The following SENP7 variants were observed in gnomAD, a reference collection of about 807,000 sequenced individuals.
The protein encoded by SENP7 is sentrin-specific protease 7.
Under a neutral mutation model 141.2 loss-of-function variants are expected in SENP7, and 64 were observed. That is an observed-to-expected ratio of 0.45 (90% CI 0.37 to 0.56). The LOEUF is 0.56. Among genes scored for constraint, SENP7 ranks in the 20% least tolerant of loss-of-function variants. SENP7 has a pLI of 0.00. For synonymous variants in SENP7, 382 were observed against 426.4 expected (o/e 0.90, Z 1.28); for missense variants, 1,025 against 1,212.2 (o/e 0.85, Z 2.29).
chr3:101,445,177 T>A (rs2062841958), intron 4 of SENP7, among the ~76,000 whole-genome samples: 1 of 152,144 alleles, frequency 6.6e-6, no homozygotes, highest in South Asian at 2.1e-4. Flanking sequence ...GAGAATGGGA[T>A]GATATCTTCA....
Position 101,417,727 on chromosome 3 carries a change from G to A in SENP7, c.348C>T (p.Thr116=). The A allele has an allele frequency of 6.2e-7, 1 of 1,613,874 alleles. No individual in the cohort carries two copies. Among genetic ancestry groups the A allele is most frequent in the Non-Finnish European group, 8.5e-7 (1 of 1,179,838 alleles). ...WTDLGRKFRK[T]LPRNDANLCD... is the part of the protein sequence containing the mutation. ...ATAAATTAGCATCGTTTCTAGGTAG[G>A]GTCTTTCTGAATTTTCGTCCTAAAT... The change falls in exon 5 of 24, where the codon ACC becomes ACT. Residue 116 remains threonine, a synonymous_variant. Coordinates refer to ENST00000394095, the MANE Select transcript of SENP7 (RefSeq NM_020654.5).
intron 17 of SENP7, among the ~76,000 whole-genome samples, chr3:101,334,970 T>C (rs1020827603): frequency 1.3e-5 from 2 of 152,212 alleles, no homozygotes; most frequent in African/African-American, 2.4e-5. Context: ...TTTGAGTTCC[T>C]AATATGTTCC....
intron 10 of SENP7, among the ~76,000 whole-genome samples, chr3:101,362,132 T>A (rs1396955879): frequency 6.6e-6 from 1 of 152,212 alleles, no homozygotes; most frequent in African/African-American, 2.4e-5. Flanking sequence ...ATCAAAGCCA[T>A]GGTTTCACAT....
At chr3:101,341,802 A>G in intron 14 of SENP7, 23 bp from the exon 15 acceptor site, 4 of 1,560,708 alleles carry the variant, frequency 2.6e-6, no homozygotes, top group African/African-American at 1.3e-5. Context: ...GGCAAGAAAA[A>G]GGGTCTCAAA....
intron 20 of SENP7, among the ~76,000 whole-genome samples, chr3:101,329,768 T>C (rs1443093769): frequency 8.4e-6 from 1 of 119,160 alleles, no homozygotes; most frequent in Non-Finnish European, 1.7e-5. Flanking sequence ...CAAAACCCCA[T>C]CTCTACTAAA....
Position 101,470,658 on chromosome 3 carries a change from G to A in SENP7, c.187-11606C>T, listed in dbSNP as rs140216216. The stretch of plus-strand genomic sequence containing the variant: ...ATTGGAAGTTCTGGCCAGGGCAATC[G>A]GGCAAGAGAAAGAAATAAAGAGTAT... On this transcript the variant is annotated intron_variant, in intron 3 of 23. Coordinates refer to ENST00000394095, the MANE Select transcript of SENP7 (RefSeq NM_020654.5). Among the ~76,000 whole-genome samples, 59 of 152,076 alleles carry A rather than the reference G, an allele frequency of 3.9e-4. 1 individual carries two copies. The highest frequency in any genetic ancestry group is 1.2e-3 in the African/African-American group (51 of 41,478).
At chr3:101,361,578 C>T in intron 11 of SENP7, 137 bp downstream of exon 11, 1 of 933,606 alleles carries the variant, frequency 1.1e-6, no homozygotes, top group Non-Finnish European at 1.4e-6. Flanking sequence ...GGTATAATGA[C>T]TTTCAACATA....
chr3:101,328,782 T>C (rs1167495001), intron 20 of SENP7, 93 bp from the exon 21 acceptor site: 1 of 974,628 alleles, frequency 1.0e-6, no homozygotes, highest in African/African-American at 1.7e-5. Context: ...AACTTTGAAG[T>C]TAAAATTTCA....
At chr3:101,399,435 T>A (rs1241228471) in intron 5 of SENP7, among the ~76,000 whole-genome samples, 1 of 152,234 alleles carries the variant, frequency 6.6e-6, no homozygotes, top group African/African-American at 2.4e-5. Context: ...TCTTCTCATT[T>A]AACAGAAATG....
intron 5 of SENP7, among the ~76,000 whole-genome samples, chr3:101,410,845 A>AAAAATAAAATTAAAAT (rs2061436239): frequency 7.9e-6 from 1 of 126,176 alleles, no homozygotes; most frequent in South Asian, 2.6e-4. Flanking sequence ...ATTCTGTCTC[A>AAAAATAAAATTAAAAT]AAAATAAAAT....
chr3:101,395,117 T>C (rs567106812), intron 6 of SENP7, among the ~76,000 whole-genome samples: 109 of 152,324 alleles, frequency 7.2e-4, no homozygotes, highest in African/African-American at 2.3e-3. Flanking sequence ...ACTCTGTTGA[T>C]GGGTTGGCTC....
At chr3:101,472,379 T>C (rs2064036103) in intron 3 of SENP7, among the ~76,000 whole-genome samples, 1 of 152,180 alleles carries the variant, frequency 6.6e-6, no homozygotes, top group African/African-American at 2.4e-5. Context: ...GAAACCATCA[T>C]TCTCAGCAAA....
At chr3:101,405,738 T>C (rs1267079808) in intron 5 of SENP7, among the ~76,000 whole-genome samples, 1 of 151,994 alleles carries the variant, frequency 6.6e-6, no homozygotes, top group Non-Finnish European at 1.5e-5. Context: ...TAAAAAACAA[T>C]CAAAACTTCA....
At chr3:101,485,528 CT>C (rs1366329093) in intron 3 of SENP7, among the ~76,000 whole-genome samples, 1 of 152,106 alleles carries the variant, frequency 6.6e-6, no homozygotes, top group Non-Finnish European at 1.5e-5. Flanking sequence ...TGCAGTTCAG[CT>C]CACAGGAAGC....
chr3:101,376,611 A>C (rs1474238848), intron 6 of SENP7, among the ~76,000 whole-genome samples: 2 of 151,608 alleles, frequency 1.3e-5, no homozygotes, highest in Admixed American at 6.6e-5. Context: ...AGGAAGGGGA[A>C]TATCACACTC....
At chr3:101,380,444 CCCA>C (rs1246367123) in intron 6 of SENP7, among the ~76,000 whole-genome samples, 5 of 107,022 alleles carry the variant, frequency 4.7e-5, no homozygotes, top group African/African-American at 6.1e-5. Flanking sequence ...CGCCCCCCCC[CCCA>C]CACACACACA....
rs201284024 is a variant in SENP7 at position 101,325,987 on chromosome 3, T to C, written c.3109A>G (p.Ile1037Val). Residue 1037 changes from isoleucine to valine, a missense_variant, in exon 24 of 24, where the codon ATC (isoleucine) becomes GTC (valine). Coordinates refer to ENST00000394095, the MANE Select transcript of SENP7 (RefSeq NM_020654.5). ...TGTTGCTGTAAATGAAGTTTCAAGA[T>C]GAGCTCTCGAATATCTTCCCGTTTG... is the stretch of plus-strand genomic sequence containing the variant. ...KTKREDIRELILKLHLQQQKG... is the reference protein window; with the variant it reads ...KTKREDIRELVLKLHLQQQKG... 6.2e-7 allele frequency: 1 copy of C among 1,611,120 alleles called. No homozygotes were observed. The highest frequency in any genetic ancestry group is 2.2e-5 in the East Asian group (1 of 44,686).
At position 101,398,963 on chromosome 3, in the gene SENP7, T is replaced by A; in HGVS notation, c.575A>T (p.Asp192Val). The A allele has an allele frequency of 3.1e-6, 5 of 1,613,884 alleles. No homozygotes were observed. The highest frequency in any genetic ancestry group is 4.2e-6 in the Non-Finnish European group (5 of 1,179,752). The stretch of plus-strand genomic sequence containing the variant: ...TTGCTCTGATTGCAAGTTGTCTGTA[T>A]CACTCAAACTTCCCTCAGTTACAGG... ...TPPVTEGSLS[D>V]TDNLQSEQLS... The change falls in exon 6 of 24, where the codon GAT becomes GTT. Residue 192 changes from aspartate (D) to valine (V), a missense_variant. Around this residue, in one of 4 missense-constraint regions of SENP7, gnomAD observed 496 missense variants for 503.5 expected, o/e 0.99. Coordinates refer to ENST00000394095, the MANE Select transcript of SENP7 (RefSeq NM_020654.5).
intron 17 of SENP7, among the ~76,000 whole-genome samples, chr3:101,334,307 G>A (rs1042560555): frequency 1.3e-5 from 2 of 152,082 alleles, no homozygotes; most frequent in African/African-American, 4.8e-5. Flanking sequence ...AACCAAGTTT[G>A]ACTGTCAAAA....
Sources: allele counts gnomAD v4.1 joint callset (sites outside exome capture counted in the v4.1 genomes callset), GRCh38; gene constraint gnomAD v4.1.1; regional missense constraint gnomAD v4.1.1; transcripts MANE v1.5; gene names NCBI Gene and HGNC (gene_info 2026-07-23, HGNC 2026-07-21).